Variants in ABCB4 observed in about 807,000 individuals in gnomAD.
The protein encoded by ABCB4 is phosphatidylcholine translocator ABCB4.
Under a neutral mutation model 145.7 loss-of-function variants are expected in ABCB4, and 76 were observed. That is an observed-to-expected ratio of 0.52 (90% confidence interval 0.43 to 0.63). The LOEUF is 0.63. ABCB4 is among the 30% of genes least tolerant of loss of function. The pLI is 0.00. For missense variants in ABCB4, 1,234 were observed against 1,553.1 expected (o/e 0.79, Z 3.45); for synonymous variants, 517 against 566.8 (o/e 0.91, Z 1.25).
chr7:87,394,078 C>T, the ABCB4 span, among the ~76,000 whole-genome samples: 2 of 152,092 alleles, frequency 1.3e-5, no homozygotes, highest in African/African-American at 4.8e-5. Context: ...CCCTTACAGA[C>T]TTTATATGGT....
At chr7:87,372,021 CA>C in the ABCB4 span, among the ~76,000 whole-genome samples, 2 of 126,624 alleles carry the variant, frequency 1.6e-5, no homozygotes, top group Non-Finnish European at 3.5e-5. Flanking sequence ...AAAAAAAAAA[CA>C]AAAAAAAGCT....
chr7:87,439,956 A>C (rs1329381602), intron 13 of ABCB4, 119 bp from the exon 14 acceptor site: 3 of 1,357,494 alleles, frequency 2.2e-6, no homozygotes, highest in African/African-American at 1.5e-5. Context: ...ATGTATCATA[A>C]AGTATGATAA....
At chr7:87,376,786 C>T in the ABCB4 span, among the ~76,000 whole-genome samples, 1 of 151,898 alleles carries the variant, frequency 6.6e-6, no homozygotes, top group African/African-American at 2.4e-5. Flanking sequence ...CATGCAAACA[C>T]ATATATAAAA....
chr7:87,433,779 G>A (rs2116629793), intron 14 of ABCB4, among the ~76,000 whole-genome samples: 1 of 147,658 alleles, frequency 6.8e-6, no homozygotes, highest in Non-Finnish European at 1.5e-5. Flanking sequence ...ATGAAATTTA[G>A]ACCTTTGACT....
upstream of ABCB4, among the ~76,000 whole-genome samples, chr7:87,475,921 G>T (rs1264074056): frequency 2.6e-5 from 4 of 152,206 alleles, no homozygotes; most frequent in African/African-American, 9.6e-5. Context: ...CTGGCGACCC[G>T]CCAGAACCAG....
the ABCB4 span, among the ~76,000 whole-genome samples, chr7:87,367,173 A>G: frequency 0.92 from 140,111 of 152,258 alleles, 64,666 homozygotes; most frequent in African/African-American, 0.97. Flanking sequence ...ACGTTATCCT[A>G]GATTATTCAC....
chr7:87,369,809 G>C, the ABCB4 span: 1 of 148,512 alleles, frequency 6.7e-6, no homozygotes, highest in Non-Finnish European at 1.5e-5. Context: ...TGTATACCTA[G>C]CTTAAAAAAT....
At chr7:87,369,557 TTGC>T in the ABCB4 span, 1 of 910,370 alleles carries the variant, frequency 1.1e-6, no homozygotes. Flanking sequence ...ATGTTTAGAA[TTGC>T]CTTTCAAGGT....
At position 87,406,447 on chromosome 7, in the gene ABCB4, T is replaced by C; in HGVS notation, c.3327A>G (p.Arg1109=). The C allele has an allele frequency of 1.2e-6, 2 of 1,613,886 alleles. No individual in the cohort carries two copies. Among genetic ancestry groups the C allele is most frequent in the South Asian group, 1.1e-5 (1 of 91,046 alleles). The change falls in exon 26 of 28, where the codon AGA becomes AGG. Residue 1109 remains arginine, a synonymous_variant. Transcript: ENST00000649586. Reference sequence around the variant, plus strand: ...CCTGAGACACGATTCCGAGTTGAGCTCTGAGCCACTGGACATTGAGTTTCT... The same window carrying C: ...CCTGAGACACGATTCCGAGTTGAGCCCTGAGCCACTGGACATTGAGTTTCT... ...EAKKLNVQWL[R]AQLGIVSQEP...
chr7:87,454,506 T>C (rs369557378), intron 5 of ABCB4, 29 bp downstream of exon 5: 386 of 1,537,674 alleles, frequency 2.5e-4, no homozygotes, highest in Non-Finnish European at 3.2e-4. Context: ...AATGAAACTT[T>C]AAAAAAGTAG....
the ABCB4 span, among the ~76,000 whole-genome samples, chr7:87,373,969 A>G: frequency 6.6e-6 from 1 of 152,138 alleles, no homozygotes; most frequent in Non-Finnish European, 1.5e-5. Context: ...AGACTTAAAT[A>G]AAGCTACTAG....
At chr7:87,439,870 T>C in intron 13 of ABCB4, 33 bp from the exon 14 acceptor site, 1 of 1,613,950 alleles carries the variant, frequency 6.2e-7, no homozygotes, top group Non-Finnish European at 8.5e-7. Flanking sequence ...GCTCTTGAAG[T>C]AACTTAAATT....
At chr7:87,473,996 C>T (rs1471040129) in intron 2 of ABCB4, among the ~76,000 whole-genome samples, 1 of 152,160 alleles carries the variant, frequency 6.6e-6, no homozygotes, top group Non-Finnish European at 1.5e-5. Context: ...CTTTGGTCTG[C>T]TTTTATAAAA....
At chr7:87,430,634 C>T (rs924197266) in intron 15 of ABCB4, among the ~76,000 whole-genome samples, 2 of 152,042 alleles carry the variant, frequency 1.3e-5, no homozygotes, top group Non-Finnish European at 2.9e-5. Flanking sequence ...AAGCGATTCT[C>T]CTGCCTCAGC....
chr7:87,475,647 CGT>C lies in ABCB4; in HGVS notation c.-22_-21del, dbSNP rs1813762210. The C allele has an allele frequency of 1.5e-6, 1 of 662,952 alleles. No homozygotes were observed. Among genetic ancestry groups the C allele is most frequent in the East Asian group, 2.7e-5 (1 of 36,454 alleles). The allele number at this position is 662,952 out of a possible 1,614,324, so 41.1% of individuals were successfully genotyped here. ...GACCTCTCTCACCTCGAACCTCGCG[CGT>C]GTCTGGCAGGGCCTCTGGACGCGCG... On this transcript the variant is annotated 5_prime_UTR_variant, in exon 1 of 28. Transcript: ENST00000649586.
At chr7:87,458,597 C>G (rs1812254843) in intron 4 of ABCB4, among the ~76,000 whole-genome samples, 1 of 152,162 alleles carries the variant, frequency 6.6e-6, no homozygotes, top group Admixed American at 6.5e-5. Flanking sequence ...CTCTACAACT[C>G]TCAACACATC....
chr7:87,391,388 G>A, the ABCB4 span, among the ~76,000 whole-genome samples: 1 of 152,138 alleles, frequency 6.6e-6, no homozygotes, highest in Non-Finnish European at 1.5e-5. Context: ...CAGCAGCCAC[G>A]CCTTTGAAAC....
Position 87,406,317 on chromosome 7 carries a change from T to A in ABCB4, c.3457A>T (p.Ile1153Leu), listed in dbSNP as rs753498831. 1 of 1,614,070 alleles carries A rather than the reference T, an allele frequency of 6.2e-7. No homozygotes were observed. Among genetic ancestry groups the A allele is most frequent in the East Asian group, 2.2e-5 (1 of 44,894 alleles). The stretch of plus-strand genomic sequence containing the variant: ...GGTAACGTCTCGATGAAAGGATGTA[T>A]GTTGGCAGCTTTGGCTGCACTCACA... ...EIVSAAKAAN[I>L]HPFIETLPHK... The change falls in exon 26 of 28, where the codon ATA becomes TTA. Residue 1153 changes from isoleucine to leucine, a missense_variant. Coordinates refer to ENST00000649586, the MANE Select transcript of ABCB4 (RefSeq NM_000443.4).
At chr7:87,388,759 A>G in the ABCB4 span, among the ~76,000 whole-genome samples, 3,816 of 152,324 alleles carry the variant, frequency 0.025, 156 homozygotes, top group African/African-American at 0.087. Context: ...TGGCAACAAA[A>G]GCCAAAATTG....
Sources: allele counts gnomAD v4.1 joint callset (sites outside exome capture counted in the v4.1 genomes callset), GRCh38; gene constraint gnomAD v4.1.1; transcripts MANE v1.5; gene names NCBI Gene and HGNC (gene_info 2026-07-23, HGNC 2026-07-21).